Variants in TAFA4 observed in about 807,000 individuals in gnomAD.
TAFA4 encodes TAFA chemokine like family member 4.
Under a neutral mutation model 21.1 loss-of-function variants are expected in TAFA4, and 20 were observed. The observed-to-expected ratio is 0.95, with a 90% CI of 0.67 to 1.38. TAFA4 has a LOEUF of 1.38. Ranked by LOEUF, TAFA4 falls within the 40% of genes most tolerant of loss-of-function variation. The pLI, the probability that TAFA4 is intolerant of heterozygous loss-of-function variation, is 0.00. For missense variants in TAFA4, 211 were observed against 180.9 expected, an observed-to-expected ratio of 1.17 and a Z score of -0.95; for synonymous variants, 71 against 67.4, an observed-to-expected ratio of 1.05 and a Z score of -0.26.
At chr3:68,812,380 A>C (rs779040492) in intron 3 of TAFA4, among the ~76,000 whole-genome samples, 147 of 152,350 alleles carry the variant, frequency 9.6e-4, no homozygotes, top group Non-Finnish European at 1.8e-3. Flanking sequence ...ACAGACTGGC[A>C]AATTGGATCA....
chr3:68,782,485 C>T (rs761536623), intron 3 of TAFA4, among the ~76,000 whole-genome samples: 6 of 151,886 alleles, frequency 4.0e-5, no homozygotes, highest in Non-Finnish European at 8.8e-5. Context: ...GTGAATACAA[C>T]CCAAACGTCT....
At chr3:68,797,602 G>A in intron 3 of TAFA4, among the ~76,000 whole-genome samples, 1 of 110,624 alleles carries the variant, frequency 9.0e-6, no homozygotes, top group South Asian at 3.1e-4. Flanking sequence ...AACAGAGTGA[G>A]ACTCCATCTC....
chr3:68,926,775 G>A (rs1291383518), intron 1 of TAFA4, among the ~76,000 whole-genome samples: 1 of 152,104 alleles, frequency 6.6e-6, no homozygotes, highest in Non-Finnish European at 1.5e-5. Flanking sequence ...GCCAGGCATG[G>A]TGACAGGTGC....
intron 1 of TAFA4, among the ~76,000 whole-genome samples, chr3:68,928,985 T>TA (rs2090135145): frequency 1.4e-5 from 1 of 70,566 alleles, no homozygotes; most frequent in South Asian, 3.2e-4. Flanking sequence ...TTAAGTTTAT[T>TA]TAAAAAAAAA....
At chr3:68,780,798 A>C (rs1335849103) in intron 3 of TAFA4, among the ~76,000 whole-genome samples, 1 of 152,202 alleles carries the variant, frequency 6.6e-6, no homozygotes, top group African/African-American at 2.4e-5. Flanking sequence ...AATAATCAGC[A>C]ACTGGCTGGT....
At chr3:68,781,180 T>C (rs1313675144) in intron 3 of TAFA4, among the ~76,000 whole-genome samples, 1 of 147,522 alleles carries the variant, frequency 6.8e-6, no homozygotes, top group Non-Finnish European at 1.5e-5. Context: ...GATCCTTATA[T>C]TCAAAAACAA....
At chr3:68,910,865 T>C (rs886824067) in intron 1 of TAFA4, among the ~76,000 whole-genome samples, 1 of 152,224 alleles carries the variant, frequency 6.6e-6, no homozygotes. Context: ...ATAGGTTTGT[T>C]CTAATAAAAC....
intron 3 of TAFA4, among the ~76,000 whole-genome samples, chr3:68,782,726 G>T (rs924785626): frequency 6.6e-6 from 1 of 152,098 alleles, no homozygotes; most frequent in South Asian, 2.1e-4. Context: ...ACTAGTGATC[G>T]CCAGGGCTAA....
intron 3 of TAFA4, among the ~76,000 whole-genome samples, chr3:68,766,826 A>G (rs1357246518): frequency 1.3e-5 from 2 of 152,160 alleles, no homozygotes; most frequent in African/African-American, 4.8e-5. Context: ...GGGATAACAA[A>G]AAGAAAATTG....
At chr3:68,929,647 C>G (rs1181853993) in intron 1 of TAFA4, among the ~76,000 whole-genome samples, 1 of 152,126 alleles carries the variant, frequency 6.6e-6, no homozygotes, top group Non-Finnish European at 1.5e-5. Context: ...AGAAACAGAG[C>G]CAGAACACAG....
intron 1 of TAFA4, among the ~76,000 whole-genome samples, chr3:68,898,311 T>C (rs1175030307): frequency 6.6e-6 from 1 of 152,196 alleles, no homozygotes; most frequent in Non-Finnish European, 1.5e-5. Context: ...TGCCCTCGTG[T>C]TTAAGTCAAG....
chr3:68,860,426 C>A (rs1055414997), intron 3 of TAFA4, among the ~76,000 whole-genome samples: 3 of 152,114 alleles, frequency 2.0e-5, no homozygotes, highest in African/African-American at 7.2e-5. Context: ...TATCCACCCA[C>A]CAAGCTACTG....
At chr3:68,768,084 G>T (rs4855342) in intron 3 of TAFA4, among the ~76,000 whole-genome samples, 5,525 of 151,992 alleles carry the variant, frequency 0.036, 305 homozygotes, top group East Asian at 0.25. Context: ...GATCCCCAAA[G>T]CACAGGCAAG....
chr3:68,838,380 A>T (rs1453128133), intron 3 of TAFA4, among the ~76,000 whole-genome samples: 1 of 152,202 alleles, frequency 6.6e-6, no homozygotes, highest in Non-Finnish European at 1.5e-5. Context: ...TCCTTATTCA[A>T]GAAATTATTG....
intron 3 of TAFA4, among the ~76,000 whole-genome samples, chr3:68,801,893 T>C (rs1186495606): frequency 2.6e-5 from 4 of 152,136 alleles, no homozygotes; most frequent in Non-Finnish European, 5.9e-5. Flanking sequence ...TTAATTTGAA[T>C]TTTGAACTTG....
At position 68,843,893 on chromosome 3, in the gene TAFA4, T is replaced by C. The variant is rs139282141; in HGVS notation, c.130+36837A>G. Reference sequence around the variant, plus strand: ...AACTTGATTGTGGTGAATTAGCTTTTTGATGTGCTGCTGGATTTGGTTTGC... The same window carrying C: ...AACTTGATTGTGGTGAATTAGCTTTCTGATGTGCTGCTGGATTTGGTTTGC... On this transcript the variant is annotated intron_variant, in intron 3 of 5. Transcript: ENST00000295569. 2.2e-4 allele frequency among the ~76,000 whole-genome samples: 34 copies of C among 152,372 alleles called. No individual in the cohort carries two copies. In the East Asian group the frequency reaches 6.4e-3, roughly 28 times the overall value.
chr3:68,898,230 A>G lies in TAFA4; in HGVS notation c.-122-12920T>C, dbSNP rs904126453. On this transcript the variant is annotated intron_variant, in intron 1 of 5. Coordinates refer to ENST00000295569, the MANE Select transcript of TAFA4 (RefSeq NM_182522.5). ...CATCTGAGATTAAAATCAACTTGTT[A>G]TGTATGATCCAAGAATCCGGAAAAG... is the stretch of plus-strand genomic sequence containing the variant. Among the ~76,000 whole-genome samples, 8 of 152,236 alleles carry G rather than the reference A, an allele frequency of 5.3e-5. No homozygotes were observed. In the East Asian group the frequency reaches 1.2e-3, roughly 22 times the overall value.
chr3:68,734,668 G>C (rs570333954), intron 5 of TAFA4, among the ~76,000 whole-genome samples: 1 of 152,090 alleles, frequency 6.6e-6, no homozygotes, highest in Non-Finnish European at 1.5e-5. Flanking sequence ...GCCATGTTCT[G>C]TGATGGGGTA....
intron 3 of TAFA4, among the ~76,000 whole-genome samples, chr3:68,863,999 C>G (rs890262046): frequency 6.6e-6 from 1 of 151,988 alleles, no homozygotes; most frequent in Non-Finnish European, 1.5e-5. Context: ...AAACTAAAAA[C>G]TGTCTCAAAG....
Sources: gnomAD v4.1 joint callset for allele counts (sites outside exome capture counted in the v4.1 genomes callset) on GRCh38, gnomAD v4.1.1 for gene constraint, MANE v1.5 for transcripts, NCBI Gene and HGNC (gene_info 2026-07-23, HGNC 2026-07-21) for gene names.